IGF2R: variants seen among roughly 807,000 people sequenced by gnomAD.
The protein encoded by IGF2R is insulin like growth factor 2 receptor.
IGF2R carries 91 observed loss-of-function variants against 270.6 expected under a neutral mutation model. The ratio of observed to expected loss-of-function variants is 0.34; its 90% CI spans 0.28 to 0.40. The LOEUF is 0.40. Ranked by LOEUF, IGF2R falls within the 10% of genes least tolerant of loss-of-function variation. IGF2R has a pLI of 1.00. For missense variants in IGF2R, 2,805 were observed against 3,188.3 expected (o/e 0.88, Z 2.90); for synonymous variants, 1,316 against 1,258.9 (o/e 1.05, Z -0.96).
chr6:160,088,548 A>G (rs925939151), intron 42 of IGF2R, among the ~76,000 whole-genome samples: 4 of 152,170 alleles, frequency 2.6e-5, no homozygotes, highest in East Asian at 1.9e-4. Context: ...ATTATATTCA[A>G]GTTTTCCCGG....
At chr6:160,009,172 A>T in intron 3 of IGF2R, 38 bp downstream of exon 3, 1 of 1,580,760 alleles carries the variant, frequency 6.3e-7, no homozygotes, top group Non-Finnish European at 8.6e-7. Context: ...TTCTTTAAAA[A>T]AAAAAAGGTC....
At chr6:160,101,131 C>T (rs1020231671) in intron 45 of IGF2R, among the ~76,000 whole-genome samples, 1 of 151,856 alleles carries the variant, frequency 6.6e-6, no homozygotes, top group Admixed American at 6.6e-5. Context: ...TAACTACATA[C>T]ATGATGCAAT....
intron 30 of IGF2R, among the ~76,000 whole-genome samples, chr6:160,069,371 C>T (rs931287477): frequency 6.6e-6 from 1 of 152,126 alleles, no homozygotes; most frequent in Admixed American, 6.5e-5. Flanking sequence ...GCTGTGGTTC[C>T]ACTTCCCCTT....
intron 21 of IGF2R, 128 bp downstream of exon 21, chr6:160,058,252 G>A: frequency 1.5e-6 from 1 of 658,386 alleles, no homozygotes; most frequent in Middle Eastern, 2.5e-4. Flanking sequence ...TACTCAGAAG[G>A]AGATGGGAAA....
intron 19 of IGF2R, among the ~76,000 whole-genome samples, chr6:160,053,242 G>A (rs921996478): frequency 1.2e-4 from 19 of 152,086 alleles, no homozygotes; most frequent in African/African-American, 4.6e-4. Flanking sequence ...GACACACGGT[G>A]GGGAACATCA....
At chr6:160,069,010 C>T (rs949150613) in intron 30 of IGF2R, among the ~76,000 whole-genome samples, 1 of 151,984 alleles carries the variant, frequency 6.6e-6, no homozygotes, top group South Asian at 2.1e-4. Flanking sequence ...GAAATAATAG[C>T]CATGGTGAGG....
In IGF2R at chr6:160,073,918, A is replaced by C. The variant is rs753604893; in HGVS notation, c.5109A>C (p.Gly1703=). Reference sequence around the variant, plus strand: ...GTCAGCCACTAAATCCCATGCACGGAGTGCCCTGTCCTGCCGGAGCCGCTG... The same window carrying C: ...GTCAGCCACTAAATCCCATGCACGGCGTGCCCTGTCCTGCCGGAGCCGCTG... The part of the protein sequence containing the change: ...NICQPLNPMH[G]VPCPAGAAVC... Residue 1703 remains glycine (G), a synonymous_variant, in exon 35 of 48, where the codon GGA becomes GGC. Transcript: ENST00000356956. The C allele has an allele frequency of 1.2e-6, 2 of 1,614,186 alleles. No individual in the cohort carries two copies. The highest frequency in any genetic ancestry group is 1.7e-6 in the Non-Finnish European group (2 of 1,180,016).
Position 160,068,270 on chromosome 6 carries a change from C to A in IGF2R, c.4137C>A (p.Phe1379Leu), listed in dbSNP as rs747309221. ...CSFKDGAGNS[F>L]DLSSLSRYSD... ...TCAGAGATGGGGCTGGCAACTCCTT[C>A]GACCTCTCGTCCCTGTCAAGGTACA... Residue 1379 changes from phenylalanine to leucine, a missense_variant, in exon 30 of 48, where the codon TTC (phenylalanine) becomes TTA (leucine). Physicochemically the swap from Phe to Leu is conservative, Grantham distance 22. Around this residue, in one of 2 missense-constraint regions of IGF2R, gnomAD observed 1,851 missense variants for 2,207.2 expected, o/e 0.84. Coordinates refer to ENST00000356956, the MANE Select transcript of IGF2R (RefSeq NM_000876.4). The A allele has an allele frequency of 1.8e-5, 29 of 1,614,122 alleles. No individual in the cohort carries two copies. The highest frequency in any genetic ancestry group is 2.4e-5 in the Non-Finnish European group (28 of 1,180,046).
chr6:160,056,440 T>A lies in IGF2R; in HGVS notation c.2711T>A (p.Phe904Tyr). ...SRGRLNSHPI[F>Y]SLNWECVVSF... ...CCCATTCAGAACAGCCACCCCATCT[T>A]TTCTCTCAACTGGGAGTGTGTGGTC... Residue 904 changes from phenylalanine to tyrosine, a missense_variant, in exon 20 of 48, where the codon TTT (phenylalanine) becomes TAT (tyrosine). Phe to Tyr is a conservative substitution (Grantham distance 22, BLOSUM62 3). Coordinates refer to ENST00000356956, the MANE Select transcript of IGF2R (RefSeq NM_000876.4). 6.2e-7 allele frequency: 1 copy of A among 1,613,822 alleles called. No homozygotes were observed. The highest frequency in any genetic ancestry group is 2.2e-5 in the East Asian group (1 of 44,882).
In IGF2R at chr6:160,096,902, TC is replaced by T. The variant is rs8191935; in HGVS notation, c.6842+279del. ...TGTGTGTACCATGCCCCGAATAGGG[TC>T]CAGTCAGGGCACCCCAGCTCTGTCC... is the stretch of plus-strand genomic sequence containing the variant. On this transcript the variant is annotated intron_variant, in intron 45 of 47. Coordinates refer to ENST00000356956, the MANE Select transcript of IGF2R (RefSeq NM_000876.4). 1.3e-3 allele frequency among the ~76,000 whole-genome samples: 198 copies of T among 152,118 alleles called. 1 individual carries two copies. The highest frequency in any genetic ancestry group is 2.5e-3 in the Non-Finnish European group (173 of 68,018).
rs777541035 is a variant in IGF2R, at chr6:160,073,435, TCTC to T, written c.4916_4918del (p.Ser1639del). The T allele has an allele frequency of 6.2e-7, 1 of 1,614,126 alleles. No individual in the cohort carries two copies. Among genetic ancestry groups the T allele is most frequent in the Non-Finnish European group, 8.5e-7 (1 of 1,180,048 alleles). On this transcript the variant is annotated inframe_deletion, in exon 34 of 48. Coordinates refer to ENST00000356956, the MANE Select transcript of IGF2R (RefSeq NM_000876.4). ...GACAAGCAGACATGCACTCTCTTCT[TCTC>T]CTGGCACACGCCGCTGGCCTGCGAG...
intron 29 of IGF2R, among the ~76,000 whole-genome samples, chr6:160,067,841 G>A (rs879855785): frequency 6.6e-6 from 1 of 152,212 alleles, no homozygotes; most frequent in Non-Finnish European, 1.5e-5. Flanking sequence ...AACAGGTGGC[G>A]TGCGGCTGCC....
At chr6:160,065,359 G>T (rs962427662) in intron 29 of IGF2R, among the ~76,000 whole-genome samples, 1 of 152,162 alleles carries the variant, frequency 6.6e-6, no homozygotes, top group South Asian at 2.1e-4. Flanking sequence ...GTGTTCTGCC[G>T]TGTGAAACAC....
chr6:160,104,951 A>G lies in IGF2R; in HGVS notation c.7343A>G (p.Asp2448Gly). ...AGCAATGCCCTTCAGGAGCGTGAGG[A>G]CGATAGGGTGGGGCTGGTCAGGGGT... is the stretch of plus-strand genomic sequence containing the variant. Reference protein sequence around the residue: ...AQSNALQEREDDRVGLVRGEK... With the variant: ...AQSNALQEREGDRVGLVRGEK... The change falls in exon 48 of 48, where the codon GAC (aspartate) becomes GGC (glycine). Residue 2448 changes from aspartate (D) to glycine (G), a missense_variant. Physicochemically the swap from Asp to Gly is moderately conservative, Grantham distance 94. Around this residue, in one of 2 missense-constraint regions of IGF2R, gnomAD observed 1,851 missense variants for 2,207.2 expected, o/e 0.84. Coordinates refer to ENST00000356956, the MANE Select transcript of IGF2R (RefSeq NM_000876.4). The G allele has an allele frequency of 6.2e-7, 1 of 1,614,088 alleles. No individual in the cohort carries two copies. Among genetic ancestry groups the G allele is most frequent in the Non-Finnish European group, 8.5e-7 (1 of 1,180,010 alleles).
chr6:160,019,710 A>G (rs759446190), intron 4 of IGF2R, among the ~76,000 whole-genome samples: 3 of 152,200 alleles, frequency 2.0e-5, no homozygotes, highest in Non-Finnish European at 2.9e-5. Context: ...TTTAAAAAAA[A>G]GTCTGACCAT....
chr6:160,089,042 G>T (rs1291335661), intron 42 of IGF2R, 65 bp from the exon 43 acceptor site: 22 of 1,547,914 alleles, frequency 1.4e-5, no homozygotes, highest in Non-Finnish European at 1.7e-5. Flanking sequence ...AGTGTTCATT[G>T]TTTTGCAGTC....
intron 4 of IGF2R, among the ~76,000 whole-genome samples, chr6:160,016,140 G>A (rs1453483967): frequency 1.3e-5 from 2 of 152,202 alleles, no homozygotes; most frequent in Non-Finnish European, 2.9e-5. Context: ...TGCCAGCGAT[G>A]GGCCACAGGT....
intron 12 of IGF2R, among the ~76,000 whole-genome samples, chr6:160,043,755 CAG>C (rs1158542383): frequency 1.3e-5 from 2 of 152,228 alleles, no homozygotes; most frequent in African/African-American, 4.8e-5. Flanking sequence ...AGCTGTCATG[CAG>C]AGACTTCTCA....
chr6:160,078,040 C>A (rs1442476353), intron 36 of IGF2R, among the ~76,000 whole-genome samples, 161 bp from the exon 37 acceptor site: 1 of 152,236 alleles, frequency 6.6e-6, no homozygotes, highest in African/African-American at 2.4e-5. Flanking sequence ...ATGTCTGTGC[C>A]TTGAAGATGG....
Sources: allele counts gnomAD v4.1 joint callset (sites outside exome capture counted in the v4.1 genomes callset), GRCh38; gene constraint gnomAD v4.1.1; regional missense constraint gnomAD v4.1.1; transcripts MANE v1.5; gene names NCBI Gene and HGNC (gene_info 2026-07-23, HGNC 2026-07-21).